The following NENF variants were observed in gnomAD, a reference collection of about 807,000 sequenced individuals.
The protein encoded by NENF is neudesin neurotrophic factor, also known as neudesin.
A neutral mutation model predicts 14.8 loss-of-function variants in NENF; 6 were observed. The observed-to-expected ratio is 0.40, with a 90% CI of 0.22 to 0.80. NENF has a LOEUF of 0.80. Among genes scored for constraint, NENF ranks in the 30% least tolerant of loss-of-function variants. The probability of loss-of-function intolerance (pLI) is 0.34; values close to 1 mark genes in which losing one functional copy is unlikely to be tolerated. For synonymous variants in NENF, 76 were observed against 95.1 expected, an observed-to-expected ratio of 0.80 and a Z score of 1.17; for missense variants, 184 against 212.7, an observed-to-expected ratio of 0.87 and a Z score of 0.84.
intron 3 of NENF, 60 bp from the exon 4 acceptor site, chr1:212,445,770 A>G (rs1662768770): frequency 1.3e-6 from 2 of 1,547,632 alleles, no homozygotes; most frequent in Admixed American, 1.8e-5. Context: ...GAGAAAGGCC[A>G]GTGCCAAACA....
At chr1:212,444,517 T>G (rs1378615120) in intron 3 of NENF, 75 bp downstream of exon 3, 2 of 842,342 alleles carry the variant, frequency 2.4e-6, no homozygotes, top group Middle Eastern at 2.9e-4. Context: ...CTTTTTCTTT[T>G]CGTGTGTGTG....
chr1:212,436,528 T>C (rs1662604394), intron 1 of NENF, among the ~76,000 whole-genome samples: 2 of 152,118 alleles, frequency 1.3e-5, no homozygotes, highest in East Asian at 1.9e-4. Flanking sequence ...CAGGCTAGTC[T>C]TGGACTCCTG....
intron 1 of NENF, chr1:212,434,705 G>A (rs1052213084): frequency 2.0e-5 from 3 of 152,058 alleles, no homozygotes; most frequent in African/African-American, 7.3e-5. Context: ...TTCCTTCTAG[G>A]GACTCTCCAA....
intron 1 of NENF, among the ~76,000 whole-genome samples, chr1:212,438,340 C>T (rs180708101): frequency 1.5e-4 from 23 of 152,224 alleles, no homozygotes; most frequent in Admixed American, 9.8e-4. Context: ...GATTGGTATT[C>T]AAGTTTTCAA....
Position 212,445,867 on chromosome 1 carries a change from A to C in NENF, c.380A>C (p.Glu127Ala), listed in dbSNP as rs1662770847. ...GCCAAGGAACTGGAGGCCCTGGATGAGGTCTTCACCAAAGTGTACAAAGCC... is the reference window on the plus strand; with the variant it reads ...GCCAAGGAACTGGAGGCCCTGGATGCGGTCTTCACCAAAGTGTACAAAGCC... The part of the protein sequence containing the change: ...LTAKELEALD[E>A]VFTKVYKAKY... Residue 127 changes from glutamate (E) to alanine (A), a missense_variant, in exon 4 of 4, where the codon GAG (glutamate) becomes GCG (alanine). Transcript: ENST00000366988. The C allele has an allele frequency of 1.2e-6, 2 of 1,614,202 alleles. No homozygotes were observed. Among genetic ancestry groups the C allele is most frequent in the Admixed American group, 1.7e-5 (1 of 60,032 alleles).
At position 212,446,311 on chromosome 1, in the gene NENF, G is replaced by A; in HGVS notation, c.*305G>A. 1 of 290,116 alleles carries A rather than the reference G, an allele frequency of 3.4e-6. No individual in the cohort carries two copies. Among genetic ancestry groups the A allele is most frequent in the Non-Finnish European group, 6.4e-6 (1 of 156,682 alleles). The allele number at this position is 290,116 out of a possible 1,614,324, so 18.0% of individuals were successfully genotyped here. ...ACTTTATACTTTTCTGTGCTTGACA[G>A]ATTTTCAGCCATGACCATGTTCACT... On this transcript the variant is annotated 3_prime_UTR_variant, in exon 4 of 4. Coordinates refer to ENST00000366988, the MANE Select transcript of NENF (RefSeq NM_013349.5).
intron 1 of NENF, among the ~76,000 whole-genome samples, chr1:212,437,942 C>T (rs1324107902): frequency 6.6e-6 from 1 of 152,054 alleles, no homozygotes; most frequent in African/African-American, 2.4e-5. Flanking sequence ...TCGCTTAAGC[C>T]CAGGAGTTTG....
At chr1:212,444,017 A>G (rs919079217) in intron 2 of NENF, among the ~76,000 whole-genome samples, 6 of 152,016 alleles carry the variant, frequency 3.9e-5, no homozygotes, top group Non-Finnish European at 7.4e-5. Context: ...GTGCCACTGC[A>G]CTCCAGCCTG....
In NENF at chr1:212,446,296, T is replaced by C; in HGVS notation, c.*290T>C. On this transcript the variant is annotated 3_prime_UTR_variant, in exon 4 of 4. Coordinates refer to ENST00000366988, the MANE Select transcript of NENF (RefSeq NM_013349.5). ...TTTTGAGCGACCTTTACTTTATACTTTTCTGTGCTTGACAGATTTTCAGCC... is the reference window on the plus strand; with the variant it reads ...TTTTGAGCGACCTTTACTTTATACTCTTCTGTGCTTGACAGATTTTCAGCC... 3.1e-6 allele frequency: 1 copy of C among 327,382 alleles called. No individual in the cohort carries two copies. The highest frequency in any genetic ancestry group is 5.6e-6 in the Non-Finnish European group (1 of 179,042). 20.3% of individuals were successfully genotyped at this position (327,382 alleles called of 1,614,324 possible).
At position 212,432,984 on chromosome 1, in the gene NENF, C is replaced by CAGCGCT. The variant is rs1214960273; in HGVS notation, c.42_47dup (p.Ala17_Leu18dup). ...CCGCGGCGGCGGCTGCGGCCGCTGG[C>CAGCGCT]AGCGCTGGCCCTGGTCCTGGCGCTG... On this transcript the variant is annotated inframe_insertion, in exon 1 of 4. Coordinates refer to ENST00000366988, the MANE Select transcript of NENF (RefSeq NM_013349.5). 17 of 1,100,648 alleles carry CAGCGCT rather than the reference C, an allele frequency of 1.5e-5. No individual in the cohort carries two copies. Among genetic ancestry groups the CAGCGCT allele is most frequent in the Admixed American group, 4.9e-5 (1 of 20,616 alleles). The allele number at this position is 1,100,648 out of a possible 1,614,324, so 68.2% of individuals were successfully genotyped here.
At chr1:212,440,610 C>T (rs564256985) in intron 1 of NENF, among the ~76,000 whole-genome samples, 9 of 152,218 alleles carry the variant, frequency 5.9e-5, no homozygotes, top group East Asian at 5.8e-4. Flanking sequence ...GCTCCTGTGT[C>T]GTGCCTGCTA....
Position 212,442,931 on chromosome 1 carries a change from C to T in NENF, c.238+306C>T, listed in dbSNP as rs12059859. ...AATTTTTTTGTATTTTTAGTAGAGA[C>T]GGGGTTTCACCATCTTGGCAAGGCT... On this transcript the variant is annotated intron_variant, in intron 2 of 3. Transcript: ENST00000366988. 3.1e-3 allele frequency among the ~76,000 whole-genome samples: 464 copies of T among 151,992 alleles called. 3 individuals carry two copies. Among genetic ancestry groups the T allele is most frequent in the Middle Eastern group, 6.8e-3 (2 of 294 alleles).
At chr1:212,435,635 C>G (rs1349803586) in intron 1 of NENF, among the ~76,000 whole-genome samples, 1 of 151,044 alleles carries the variant, frequency 6.6e-6, no homozygotes, top group Non-Finnish European at 1.5e-5. Flanking sequence ...ACAGCCTCCT[C>G]CTGGGCTCAA....
intron 2 of NENF, 141 bp downstream of exon 2, chr1:212,442,766 G>C (rs773104427): frequency 1.6e-6 from 1 of 627,106 alleles, no homozygotes; most frequent in Non-Finnish European, 2.9e-6. Flanking sequence ...TTTTTGAGAC[G>C]GAGTTTCACT....
At chr1:212,444,316 C>T in intron 2 of NENF, 23 bp from the exon 3 acceptor site, 1 of 1,525,820 alleles carries the variant, frequency 6.6e-7, no homozygotes, top group Non-Finnish European at 8.9e-7. Context: ...ACGCTTACGT[C>T]TCTTCCTTCC....
chr1:212,437,564 C>T (rs1217643708), intron 1 of NENF, among the ~76,000 whole-genome samples: 1 of 152,066 alleles, frequency 6.6e-6, no homozygotes, highest in African/African-American at 2.4e-5. Context: ...AAGGCAGACC[C>T]GCCTCTATCA....
chr1:212,436,103 A>T (rs1273454637), intron 1 of NENF, among the ~76,000 whole-genome samples: 1 of 152,156 alleles, frequency 6.6e-6, no homozygotes, highest in Non-Finnish European at 1.5e-5. Flanking sequence ...AGGTGGAAGA[A>T]AACCCACATA....
chr1:212,444,560 T>A (rs1662749646), intron 3 of NENF, 118 bp downstream of exon 3: 4 of 439,590 alleles, frequency 9.1e-6, no homozygotes, highest in Non-Finnish European at 1.4e-5. Flanking sequence ...TGTGTGTGTG[T>A]GTGTGTGTAT....
At chr1:212,437,752 C>G (rs1662631543) in intron 1 of NENF, among the ~76,000 whole-genome samples, 2 of 152,208 alleles carry the variant, frequency 1.3e-5, no homozygotes, top group South Asian at 4.1e-4. Flanking sequence ...AGAGCCAGTT[C>G]TTTCCTTTTA....
Sources: allele counts gnomAD v4.1 joint callset (sites outside exome capture counted in the v4.1 genomes callset), GRCh38; gene constraint gnomAD v4.1.1; transcripts MANE v1.5; gene names NCBI Gene and HGNC (gene_info 2026-07-23, HGNC 2026-07-21).